RARB: variants seen among roughly 807,000 people sequenced by gnomAD.
RARB encodes HBV-activated protein.
Under a neutral mutation model 51.9 loss-of-function variants are expected in RARB, and 17 were observed. The observed-to-expected ratio is 0.33, with a 90% CI of 0.22 to 0.49. The LOEUF (loss-of-function observed/expected upper bound fraction) is 0.49, where lower values mean the gene tolerates loss of function less well. Among genes scored for constraint, RARB ranks in the 20% least tolerant of loss-of-function variants. RARB has a pLI of 0.99. For missense variants in RARB, 369 were observed against 550.8 expected (o/e 0.67, Z 3.30); for synonymous variants, 215 against 195.4 (o/e 1.10, Z -0.84).
At chr3:25,508,556 G>A (rs1697724633) in intron 3 of RARB, among the ~76,000 whole-genome samples, 2 of 152,174 alleles carry the variant, frequency 1.3e-5, no homozygotes, top group South Asian at 4.1e-4. Flanking sequence ...GCACTGTGTA[G>A]TTGGGAAATT....
At chr3:25,038,204 A>G (rs79190378) in intron 2 of RARB, among the ~76,000 whole-genome samples, 18,945 of 152,256 alleles carry the variant, frequency 0.12, 1,455 homozygotes, top group South Asian at 0.3. Flanking sequence ...TTTGTGATGA[A>G]GGAATTTGAT....
chr3:25,045,533 G>C (rs945052903), intron 2 of RARB, among the ~76,000 whole-genome samples: 5 of 152,192 alleles, frequency 3.3e-5, no homozygotes, highest in African/African-American at 1.2e-4. Context: ...GCCTCTGTTT[G>C]TGTTCAACTG....
intron 5 of RARB, among the ~76,000 whole-genome samples, chr3:25,389,674 C>A (rs1034887948): frequency 1.1e-4 from 16 of 152,108 alleles, no homozygotes; most frequent in African/African-American, 3.4e-4. Flanking sequence ...TACTGAGCAT[C>A]CCTTCTGTCT....
intron 5 of RARB, among the ~76,000 whole-genome samples, chr3:25,187,181 G>A (rs566334194): frequency 1.5e-4 from 23 of 151,992 alleles, no homozygotes; most frequent in Non-Finnish European, 2.6e-4. Flanking sequence ...AGAAGACAAT[G>A]GCCTCTTACC....
At chr3:25,406,291 T>C (rs544827970) in intron 5 of RARB, among the ~76,000 whole-genome samples, 1 of 152,290 alleles carries the variant, frequency 6.6e-6, no homozygotes, top group Admixed American at 6.5e-5. Flanking sequence ...GGGCATTCAC[T>C]CCAAAGAAGC....
intron 5 of RARB, among the ~76,000 whole-genome samples, chr3:25,210,529 C>CTTTTTTTTTGTTTTTTTTTTTTTTTTTT (rs1701667530): frequency 3.6e-5 from 1 of 27,618 alleles, no homozygotes; most frequent in Non-Finnish European, 8.7e-5. Flanking sequence ...TTATCTGATT[C>CTTTTTTTTTGTTTTTTTTTTTTTTTTTT]TTTTTTTTTT....
intron 5 of RARB, among the ~76,000 whole-genome samples, chr3:25,196,623 C>G (rs972373122): frequency 6.6e-5 from 10 of 152,098 alleles, no homozygotes; most frequent in African/African-American, 2.4e-4. Context: ...ATTACTAGTT[C>G]TAGATTCTTG....
intron 3 of RARB, among the ~76,000 whole-genome samples, chr3:25,105,230 A>G (rs1699476425): frequency 6.6e-6 from 1 of 152,094 alleles, no homozygotes; most frequent in Non-Finnish European, 1.5e-5. Context: ...GAGCATCTAC[A>G]CACCACTGGA....
intron 3 of RARB, among the ~76,000 whole-genome samples, chr3:25,117,194 A>G (rs1371099701): frequency 6.6e-6 from 1 of 152,170 alleles, no homozygotes; most frequent in Non-Finnish European, 1.5e-5. Context: ...CAGAGAACAA[A>G]CTGTTCAATA....
chr3:25,337,540 G>T (rs147125533), intron 5 of RARB, among the ~76,000 whole-genome samples: 1 of 151,998 alleles, frequency 6.6e-6, no homozygotes, highest in African/African-American at 2.4e-5. Context: ...GAAATGCATC[G>T]ACATCATTCC....
intron 2 of RARB, among the ~76,000 whole-genome samples, chr3:24,938,753 A>G (rs150230878): frequency 6.4e-4 from 98 of 152,184 alleles, no homozygotes; most frequent in African/African-American, 2.2e-3. Context: ...GGTAATTTTC[A>G]TTCTGTTCTT....
intron 5 of RARB, among the ~76,000 whole-genome samples, chr3:25,281,382 A>G (rs1281254001): frequency 1.3e-5 from 2 of 152,226 alleles, no homozygotes; most frequent in African/African-American, 2.4e-5. Context: ...AGTTCAAGTG[A>G]AGGCCACTAG....
At chr3:25,469,088 C>A (rs1329610803) in intron 2 of RARB, among the ~76,000 whole-genome samples, 1 of 152,188 alleles carries the variant, frequency 6.6e-6, no homozygotes, top group Non-Finnish European at 1.5e-5. Flanking sequence ...CTAATTTTGT[C>A]CATTTTTCTC....
chr3:24,954,251 G>A (rs1228144115), intron 2 of RARB, among the ~76,000 whole-genome samples: 6 of 152,122 alleles, frequency 3.9e-5, no homozygotes. Context: ...ATGATGGTGA[G>A]GTGTAGGACC....
chr3:25,366,536 T>C (rs1706124925), intron 5 of RARB, among the ~76,000 whole-genome samples: 2 of 151,928 alleles, frequency 1.3e-5, no homozygotes. Flanking sequence ...AGAAAACTGA[T>C]GAAACCAGAA....
At chr3:25,006,587 C>A (rs902831270) in intron 2 of RARB, among the ~76,000 whole-genome samples, 1 of 152,060 alleles carries the variant, frequency 6.6e-6, no homozygotes, top group African/African-American at 2.4e-5. Context: ...AAATCTGATA[C>A]CTTGTTTCTA....
At chr3:25,499,806 C>G (rs978722418) in intron 2 of RARB, among the ~76,000 whole-genome samples, 1 of 151,940 alleles carries the variant, frequency 6.6e-6, no homozygotes, top group Non-Finnish European at 1.5e-5. Context: ...AAGAGAATAC[C>G]GGAATAAGAT....
chr3:24,937,567 C>T (rs921577178), intron 2 of RARB, among the ~76,000 whole-genome samples: 1 of 152,142 alleles, frequency 6.6e-6, no homozygotes, highest in Non-Finnish European at 1.5e-5. Flanking sequence ...AAGAGGAAGG[C>T]AGGGAAGCAA....
intron 5 of RARB, among the ~76,000 whole-genome samples, chr3:25,367,890 G>C: frequency 6.6e-6 from 1 of 151,934 alleles, no homozygotes; most frequent in East Asian, 1.9e-4. Flanking sequence ...AAGAATCAAG[G>C]GGGAGTATCG....
Sources: allele counts gnomAD v4.1 joint callset (sites outside exome capture counted in the v4.1 genomes callset), GRCh38; gene constraint gnomAD v4.1.1; transcripts MANE v1.5; gene names NCBI Gene and HGNC (gene_info 2026-07-23, HGNC 2026-07-21).